RPS6KA5: variants seen among roughly 807,000 people sequenced by gnomAD.
RPS6KA5 encodes ribosomal protein S6 kinase alpha-5.
In RPS6KA5, 27 loss-of-function variants were observed where a neutral mutation model predicts 85.5. The ratio of observed to expected loss-of-function variants is 0.32; its 90% CI spans 0.23 to 0.44. RPS6KA5 has a LOEUF of 0.44. RPS6KA5 is among the 20% of genes least tolerant of loss of function. The pLI is 1.00. For missense variants in RPS6KA5, 811 were observed against 980.9 expected, an observed-to-expected ratio of 0.83 and a Z score of 2.31; for synonymous variants, 334 against 348.2, an observed-to-expected ratio of 0.96 and a Z score of 0.46.
intron 7 of RPS6KA5, 60 bp from the exon 8 acceptor site, chr14:90,906,359 T>C: frequency 8.0e-7 from 1 of 1,253,526 alleles, no homozygotes; most frequent in Non-Finnish European, 1.1e-6. Flanking sequence ...AAAAAAAGCA[T>C]GGTGAAATAC....
chr14:90,982,796 T>C (rs1221005733), intron 2 of RPS6KA5, among the ~76,000 whole-genome samples: 2 of 151,150 alleles, frequency 1.3e-5, no homozygotes, highest in Non-Finnish European at 2.9e-5. Flanking sequence ...CTCACCAACA[T>C]GGTGAAACCC....
intron 14 of RPS6KA5, among the ~76,000 whole-genome samples, chr14:90,888,648 T>C (rs920181074): frequency 8.5e-5 from 13 of 152,210 alleles, no homozygotes; most frequent in Admixed American, 7.8e-4. Flanking sequence ...TAAAATAAAT[T>C]CCAGACTTAA....
At chr14:91,046,330 C>G (rs1450566412) in intron 1 of RPS6KA5, among the ~76,000 whole-genome samples, 3 of 152,050 alleles carry the variant, frequency 2.0e-5, no homozygotes, top group Non-Finnish European at 1.5e-5. Flanking sequence ...AAAATTAGGT[C>G]AAAGTTATGA....
chr14:90,968,728 C>T (rs1291691604), intron 3 of RPS6KA5, among the ~76,000 whole-genome samples: 1 of 152,118 alleles, frequency 6.6e-6, no homozygotes, highest in Non-Finnish European at 1.5e-5. Context: ...TGGATCAGCC[C>T]AAATTGAGCC....
intron 3 of RPS6KA5, among the ~76,000 whole-genome samples, chr14:90,976,084 C>G (rs1353096558): frequency 6.6e-6 from 1 of 151,050 alleles, no homozygotes; most frequent in Non-Finnish European, 1.5e-5. Flanking sequence ...CTACTGTTTT[C>G]TAGTCTAATA....
At position 91,055,765 on chromosome 14, in the gene RPS6KA5, G is replaced by A. The variant is rs189317754; in HGVS notation, c.103+4567C>T. Among the ~76,000 whole-genome samples the A allele has an allele frequency of 9.9e-5, 15 of 152,176 alleles. No homozygotes were observed. The South Asian group carries it at 1.9e-3, about 19-fold the overall frequency. On this transcript the variant is annotated intron_variant, in intron 1 of 16. Transcript: ENST00000614987. ...CTGCACTCCAGCCTGGATAGATTCC[G>A]TCTCCAAAAAAACAAAACAACAACA...
Position 91,059,294 on chromosome 14 carries a change from C to T in RPS6KA5, c.103+1038G>A, listed in dbSNP as rs544424291. On this transcript the variant is annotated intron_variant, in intron 1 of 16. Transcript: ENST00000614987. Reference sequence around the variant, plus strand: ...GGCGGAGGCTGCGGTGAGCCGAGATCATGCCACTGCACTCCAGCCTGAGCA... The same window carrying T: ...GGCGGAGGCTGCGGTGAGCCGAGATTATGCCACTGCACTCCAGCCTGAGCA... Among the ~76,000 whole-genome samples, 3 of 147,392 alleles carry T rather than the reference C, an allele frequency of 2.0e-5. No homozygotes were observed. The East Asian group carries it at 6.0e-4, about 30-fold the overall frequency.
intron 1 of RPS6KA5, among the ~76,000 whole-genome samples, chr14:91,034,247 G>T (rs942196817): frequency 2.0e-5 from 3 of 151,134 alleles, no homozygotes; most frequent in African/African-American, 7.3e-5. Context: ...AGAGGTTGCA[G>T]TGAGCCAGGA....
chr14:91,058,663 T>C (rs913553660), intron 1 of RPS6KA5, among the ~76,000 whole-genome samples: 16 of 152,326 alleles, frequency 1.1e-4, no homozygotes, highest in African/African-American at 3.6e-4. Flanking sequence ...GAGTAAACCA[T>C]GTCAGGGTCT....
At position 90,855,094 on chromosome 14, in the gene RPS6KA5, T is replaced by TA. The variant is rs1256766188; in HGVS notation, c.*16979dup. ...CTCCATCAGCGAATAAAAAGATGTA[T>TA]AAGTTCACTCATATTGATAAAACTT... On this transcript the variant is annotated 3_prime_UTR_variant, in exon 17 of 17. Transcript: ENST00000614987. 6.6e-6 allele frequency: 1 copy of TA among 152,242 alleles called. No homozygotes were observed. The highest frequency in any genetic ancestry group is 1.5e-5 in the Non-Finnish European group (1 of 68,034). 9.4% of individuals were successfully genotyped at this position (152,242 alleles called of 1,614,324 possible).
intron 8 of RPS6KA5, among the ~76,000 whole-genome samples, chr14:90,904,007 C>T (rs560316072): frequency 2.0e-5 from 3 of 150,264 alleles, no homozygotes; most frequent in Non-Finnish European, 4.4e-5. Context: ...AGGGCAGTGG[C>T]GCGATCTCGG....
intron 9 of RPS6KA5, 103 bp downstream of exon 9, chr14:90,902,705 C>A: frequency 9.6e-7 from 1 of 1,041,080 alleles, no homozygotes. Flanking sequence ...ATTAGAGAAT[C>A]CCATTTTTAT....
intron 1 of RPS6KA5, among the ~76,000 whole-genome samples, chr14:91,010,012 T>A (rs559002437): frequency 2.0e-5 from 3 of 149,238 alleles, no homozygotes; most frequent in East Asian, 1.9e-4. Context: ...ACTGAGACAC[T>A]CTAATTTGGT....
intron 14 of RPS6KA5, among the ~76,000 whole-genome samples, chr14:90,884,725 G>T (rs557153889): frequency 4.6e-5 from 7 of 152,278 alleles, no homozygotes; most frequent in Admixed American, 2.6e-4. Context: ...TTCTATTGTT[G>T]ATGAACATTG....
intron 3 of RPS6KA5, among the ~76,000 whole-genome samples, chr14:90,970,298 G>T (rs1352424772): frequency 1.3e-5 from 2 of 152,138 alleles, no homozygotes; most frequent in Non-Finnish European, 2.9e-5. Flanking sequence ...TCATACTAGT[G>T]ACTGTAATAT....
intron 1 of RPS6KA5, among the ~76,000 whole-genome samples, chr14:91,054,154 T>G (rs1163869538): frequency 6.6e-6 from 1 of 152,052 alleles, no homozygotes; most frequent in African/African-American, 2.4e-5. Flanking sequence ...GAAGAATGAG[T>G]CTGAATCACT....
chr14:91,010,002 A>C (rs2041189391), intron 1 of RPS6KA5, among the ~76,000 whole-genome samples: 1 of 152,132 alleles, frequency 6.6e-6, no homozygotes, highest in Non-Finnish European at 1.5e-5. Context: ...GTGCATGAAG[A>C]CTGAGACACT....
At position 90,857,176 on chromosome 14, in the gene RPS6KA5, C is replaced by T. The variant is rs1227118338; in HGVS notation, c.*14898G>A. On this transcript the variant is annotated 3_prime_UTR_variant, in exon 17 of 17. Transcript: ENST00000614987. ...CGTCTTTGTAATAAAAAAAAATCCACTGGATAAAGTTTCAAAAGTGGGAAA... is the reference window on the plus strand; with the variant it reads ...CGTCTTTGTAATAAAAAAAAATCCATTGGATAAAGTTTCAAAAGTGGGAAA... 6.6e-6 allele frequency: 1 copy of T among 152,090 alleles called. No homozygotes were observed. Among genetic ancestry groups the T allele is most frequent in the East Asian group, 1.9e-4 (1 of 5,198 alleles). The allele number at this position is 152,090 out of a possible 1,614,324, so 9.4% of individuals were successfully genotyped here.
rs769484899 is a variant in RPS6KA5 at position 90,899,436 on chromosome 14, C to A, written c.1380-14G>T. On this transcript the variant is annotated splice_polypyrimidine_tract_variant and intron_variant, in intron 11 of 16. Transcript: ENST00000614987. ...TTGGCTTCCATCCTGCAAGATGAGA[C>A]ACTTAGCATCCACATGTCTCTTCAA... 3 of 1,578,144 alleles carry A rather than the reference C, an allele frequency of 1.9e-6. No individual in the cohort carries two copies. The highest frequency in any genetic ancestry group is 2.2e-5 in the East Asian group (1 of 44,720).
Sources: allele counts gnomAD v4.1 joint callset (sites outside exome capture counted in the v4.1 genomes callset), GRCh38; gene constraint gnomAD v4.1.1; transcripts MANE v1.5; gene names NCBI Gene and HGNC (gene_info 2026-07-23, HGNC 2026-07-21).